Variants in ZNF525 observed in about 807,000 individuals in gnomAD.
ZNF525 encodes the protein zinc finger protein 525.
ZNF525 carries 33 observed loss-of-function variants against 37.6 expected under a neutral mutation model. That is an observed-to-expected ratio of 0.88 (90% confidence interval 0.67 to 1.17). ZNF525 has a LOEUF of 1.17. ZNF525 is among the 50% of genes most tolerant of loss of function. The pLI, the probability that ZNF525 is intolerant of heterozygous loss-of-function variation, is 0.00. For synonymous variants in ZNF525, 170 were observed against 182.3 expected (o/e 0.93, Z 0.54); for missense variants, 449 against 543.1 (o/e 0.83, Z 1.72).
chr19:53,366,152 A>C (rs1529483), intron 1 of ZNF525, among the ~76,000 whole-genome samples: 5 of 147,536 alleles, frequency 3.4e-5, no homozygotes, highest in Admixed American at 2.1e-4. Context: ...GGGGAGGCCG[A>C]GTTCTCTGCC....
At chr19:53,377,365 G>A (rs184609165) in intron 3 of ZNF525, among the ~76,000 whole-genome samples, 159 of 151,454 alleles carry the variant, frequency 1.0e-3, no homozygotes, top group African/African-American at 3.7e-3. Context: ...TAATAGACAT[G>A]GGATTTCTCC....
At chr19:53,377,796 A>G (rs1227791161) in intron 3 of ZNF525, among the ~76,000 whole-genome samples, 1 of 151,962 alleles carries the variant, frequency 6.6e-6, no homozygotes. Context: ...TCCTGACCTC[A>G]TGATCCTCCT....
chr19:53,372,467 A>G, intron 2 of ZNF525, 171 bp downstream of exon 2: 1 of 746,166 alleles, frequency 1.3e-6, no homozygotes, highest in Non-Finnish European at 2.4e-6. Context: ...CTTGTGGCTC[A>G]GTGACATGAA....
At chr19:53,368,955 G>C (rs1451241473) in intron 1 of ZNF525, among the ~76,000 whole-genome samples, 1 of 152,102 alleles carries the variant, frequency 6.6e-6, no homozygotes, top group Non-Finnish European at 1.5e-5. Context: ...TTTTTCTGGG[G>C]TCTCAGAAGG....
intron 3 of ZNF525, among the ~76,000 whole-genome samples, 192 bp from the exon 4 acceptor site, chr19:53,380,528 CAT>C (rs763452606): frequency 1.3e-5 from 2 of 152,158 alleles, no homozygotes; most frequent in East Asian, 1.9e-4. Flanking sequence ...TAGGCTTACA[CAT>C]GTTTGTGCCC....
At chr19:53,366,620 G>GAA (rs1332139998) in intron 1 of ZNF525, among the ~76,000 whole-genome samples, 1 of 151,490 alleles carries the variant, frequency 6.6e-6, no homozygotes, top group Non-Finnish European at 1.5e-5. Flanking sequence ...ACAGAGAGAT[G>GAA]AAGGACAGCA....
intron 3 of ZNF525, among the ~76,000 whole-genome samples, chr19:53,378,186 G>A (rs2147070921): frequency 6.6e-6 from 1 of 152,308 alleles, no homozygotes; most frequent in Non-Finnish European, 1.5e-5. Flanking sequence ...GCTAGGTGTA[G>A]TGGCTCAAGC....
In ZNF525 at chr19:53,382,919, A is replaced by G; in HGVS notation, c.*900A>G. The G allele has an allele frequency of 6.9e-7, 1 of 1,456,536 alleles. No individual in the cohort carries two copies. The highest frequency in any genetic ancestry group is 9.6e-7 in the Non-Finnish European group (1 of 1,044,456). The allele number at this position is 1,456,536 out of a possible 1,614,324, so 90.2% of individuals were successfully genotyped here. A position where few individuals can be genotyped will look rare whatever the true frequency, so the allele number is the denominator to read the frequency against. ...ACCTTACAAGTGTAATGAGTGTGGT[A>G]AGATGTTCAGTCAAAATTCGGCCCT... On this transcript the variant is annotated 3_prime_UTR_variant, in exon 4 of 4. Transcript: ENST00000474037.
At chr19:53,372,757 T>G (rs1225289097) in intron 2 of ZNF525, among the ~76,000 whole-genome samples, 1 of 152,206 alleles carries the variant, frequency 6.6e-6, no homozygotes, top group Non-Finnish European at 1.5e-5. Context: ...TTTAGGTAAT[T>G]GAATGGGTTG....
rs111390186 is a variant in ZNF525, at chr19:53,382,988, T to C, written c.*969T>C. The C allele has an allele frequency of 6.6e-7, 1 of 1,518,096 alleles. No homozygotes were observed. The allele number at this position is 1,518,096 out of a possible 1,614,324, so 94.0% of individuals were successfully genotyped here. On this transcript the variant is annotated 3_prime_UTR_variant, in exon 4 of 4. Transcript: ENST00000474037. The stretch of plus-strand genomic sequence containing the variant: ...TCATACTGGAGAGAAACCTTACAAG[T>C]GTAATGAATGTGGCAAGGTTTTTAA...
intron 3 of ZNF525, among the ~76,000 whole-genome samples, chr19:53,378,481 A>G (rs1008398134): frequency 6.6e-6 from 1 of 152,160 alleles, no homozygotes; most frequent in African/African-American, 2.4e-5. Context: ...TTGAGGCAGG[A>G]GAATCGTGCC....
At chr19:53,369,023 G>A (rs1041563372) in intron 1 of ZNF525, among the ~76,000 whole-genome samples, 3 of 152,126 alleles carry the variant, frequency 2.0e-5, no homozygotes, top group African/African-American at 7.2e-5. Context: ...TTATAGGTAG[G>A]TTACCATAGA....
chr19:53,370,278 G>A (rs1212734355), intron 1 of ZNF525, among the ~76,000 whole-genome samples: 2 of 151,350 alleles, frequency 1.3e-5, no homozygotes, highest in African/African-American at 2.4e-5. Context: ...AAATTAGCCA[G>A]ATGTTGGGTG....
Position 53,386,298 on chromosome 19 carries a change from C to G in ZNF525, c.*4279C>G, listed in dbSNP as rs4595898. The G allele has an allele frequency of 0.61, 438,181 of 716,210 alleles. 137,735 individuals carry two copies. Among genetic ancestry groups the G allele is most frequent in the Admixed American group, 0.74 (42,333 of 56,904 alleles). 44.4% of individuals were successfully genotyped at this position (716,210 alleles called of 1,614,324 possible). A position where few individuals can be genotyped will look rare whatever the true frequency, so the allele number is the denominator to read the frequency against. ...CCAAGAAACAAAAGCAAAACCATCC[C>G]ACTCCCCTGTGGATTCAGATCAAAA... On this transcript the variant is annotated 3_prime_UTR_variant, in exon 4 of 4. Coordinates refer to ENST00000474037, the MANE Select transcript of ZNF525 (RefSeq NM_001348156.2).
intron 1 of ZNF525, among the ~76,000 whole-genome samples, chr19:53,371,236 C>T (rs991907349): frequency 2.8e-5 from 4 of 142,974 alleles, no homozygotes; most frequent in African/African-American, 5.1e-5. Context: ...CTCACTCTGT[C>T]GCACAGGCTG....
chr19:53,373,006 G>A (rs1287604480), intron 2 of ZNF525, among the ~76,000 whole-genome samples: 3 of 152,110 alleles, frequency 2.0e-5, no homozygotes, highest in South Asian at 2.1e-4. Flanking sequence ...TCTCACATAT[G>A]AGAGCAGTAC....
chr19:53,384,206 G>A lies in ZNF525; in HGVS notation c.*2187G>A, dbSNP rs2085589073. ...GTGTTTATGTTAAGAGGACTGGGCT[G>A]TGTGGCATGGCTCACGCCTGTAATC... On this transcript the variant is annotated 3_prime_UTR_variant, in exon 4 of 4. Coordinates refer to ENST00000474037, the MANE Select transcript of ZNF525 (RefSeq NM_001348156.2). 3.0e-6 allele frequency: 1 copy of A among 333,182 alleles called. No individual in the cohort carries two copies. The highest frequency in any genetic ancestry group is 6.0e-6 in the Non-Finnish European group (1 of 167,552). The allele number at this position is 333,182 out of a possible 1,614,324, so 20.6% of individuals were successfully genotyped here.
At chr19:53,375,095 T>C (rs1208197498) in intron 2 of ZNF525, among the ~76,000 whole-genome samples, 1 of 151,958 alleles carries the variant, frequency 6.6e-6, no homozygotes, top group African/African-American at 2.4e-5. Flanking sequence ...TGGTGCAATT[T>C]TGGATCATTG....
intron 3 of ZNF525, among the ~76,000 whole-genome samples, chr19:53,377,124 G>C (rs956254173): frequency 3.9e-5 from 6 of 152,134 alleles, no homozygotes; most frequent in African/African-American, 1.4e-4. Context: ...AAAAAAAGTT[G>C]AATTATGAAG....
Sources: allele counts gnomAD v4.1 joint callset (sites outside exome capture counted in the v4.1 genomes callset), GRCh38; gene constraint gnomAD v4.1.1; transcripts MANE v1.5; gene names NCBI Gene and HGNC (gene_info 2026-07-23, HGNC 2026-07-21).